Variants in GATD1 observed in about 807,000 individuals in gnomAD.
GATD1 encodes glutamine amidotransferase class 1 domain containing 1.
In GATD1, 23 loss-of-function variants were observed where a neutral mutation model predicts 25.9. That is an observed-to-expected ratio of 0.89 (90% CI 0.64 to 1.26). GATD1 has a LOEUF of 1.26. Ranked by LOEUF, GATD1 falls within the 50% of genes most tolerant of loss-of-function variation. The probability of loss-of-function intolerance (pLI) is 0.00; values close to 1 mark genes in which losing one functional copy is unlikely to be tolerated. For synonymous variants in GATD1, 177 were observed against 134.6 expected (o/e 1.31, Z -2.18); for missense variants, 347 against 312.5 (o/e 1.11, Z -0.83).
chr11:774,766 G>A (rs1183918633), intron 2 of GATD1, among the ~76,000 whole-genome samples: 1 of 152,162 alleles, frequency 6.6e-6, no homozygotes, highest in African/African-American at 2.4e-5. Flanking sequence ...GGAGGCGGAG[G>A]TTGTGGTGAG....
Position 772,440 on chromosome 11 carries a change from T to C in GATD1, c.437A>G (p.Tyr146Cys), listed in dbSNP as rs756302659. 28 of 1,613,268 alleles carry C rather than the reference T, an allele frequency of 1.7e-5. No individual in the cohort carries two copies. Among genetic ancestry groups the C allele is most frequent in the Admixed American group, 3.3e-5 (2 of 60,006 alleles). ...CCAGACACTCACCCCTGTCAGGCTG[T>C]AGCTGTCGAACACCCAGGATCTGTC... is the stretch of plus-strand genomic sequence containing the variant. ...NEDRSWVFDS[Y>C]SLTGPSVCEL... The change falls in exon 5 of 8, where the codon TAC becomes TGC. Residue 146 changes from tyrosine to cysteine, a missense_variant. Physicochemically the swap from Tyr to Cys is radical, Grantham distance 194. Coordinates refer to ENST00000319863, the MANE Select transcript of GATD1 (RefSeq NM_182612.4).
intron 4 of GATD1, 62 bp from the exon 5 acceptor site, chr11:772,583 C>T: frequency 6.8e-7 from 1 of 1,471,748 alleles, no homozygotes; most frequent in Non-Finnish European, 9.4e-7. Context: ...AAGCCCCTCC[C>T]AGATGCCCCT....
At position 771,907 on chromosome 11, in the gene GATD1, G is replaced by GT. The variant is rs1390866657; in HGVS notation, c.451-482dup. On this transcript the variant is annotated intron_variant, in intron 5 of 7. Coordinates refer to ENST00000319863, the MANE Select transcript of GATD1 (RefSeq NM_182612.4). ...GACATCTGAGCTGGGGGCCAGGCCT[G>GT]TTTAACTTCCAGTGAAACCAGCCTC... is the stretch of plus-strand genomic sequence containing the variant. 2.0e-5 allele frequency among the ~76,000 whole-genome samples: 3 copies of GT among 152,238 alleles called. No homozygotes were observed. The East Asian group carries it at 5.8e-4, about 29-fold the overall frequency.
At chr11:775,778 T>TA (rs1565018847) in intron 1 of GATD1, among the ~76,000 whole-genome samples, 1 of 152,024 alleles carries the variant, frequency 6.6e-6, no homozygotes, top group Non-Finnish European at 1.5e-5. Context: ...AAAAAACTTT[T>TA]AAAAAAGAAA....
At chr11:773,928 A>G in intron 3 of GATD1, 80 bp downstream of exon 3, 1 of 1,315,640 alleles carries the variant, frequency 7.6e-7, no homozygotes, top group Admixed American at 1.8e-5. Flanking sequence ...GGAGCTCACT[A>G]AGACCCCAAA....
In GATD1 at chr11:771,115, C is replaced by G; in HGVS notation, c.545-11G>C. ...CGTCAGGCTCGCTTGCTGGGGAGGA[C>G]CGAGGGCACCAACCTCAGGCAATGT... On this transcript the variant is annotated splice_polypyrimidine_tract_variant and intron_variant, in intron 6 of 7. Transcript: ENST00000319863. 6.3e-7 allele frequency: 1 copy of G among 1,578,878 alleles called. No individual in the cohort carries two copies. The highest frequency in any genetic ancestry group is 8.6e-7 in the Non-Finnish European group (1 of 1,165,496).
rs563038532 is a variant in GATD1 at position 776,131 on chromosome 11, T to C, written c.65-989A>G. On this transcript the variant is annotated intron_variant, in intron 1 of 7. Coordinates refer to ENST00000319863, the MANE Select transcript of GATD1 (RefSeq NM_182612.4). ...CCGAGTAGCTGGGACTACAGGAGGG[T>C]GCCACCACGCCCAGCTAATTTTTGT... 2.6e-5 allele frequency among the ~76,000 whole-genome samples: 4 copies of C among 151,610 alleles called. No individual in the cohort carries two copies. The South Asian group carries it at 8.3e-4, about 32-fold the overall frequency.
chr11:776,802 A>T (rs1389546379), intron 1 of GATD1: 2 of 152,408 alleles, frequency 1.3e-5, no homozygotes, highest in African/African-American at 4.8e-5. Context: ...CTGCAGGCTC[A>T]GCGCCAGGGG....
intron 1 of GATD1, 79 bp downstream of exon 1, chr11:777,320 A>G (rs902163224): frequency 5.9e-5 from 64 of 1,086,290 alleles, no homozygotes; most frequent in Admixed American, 5.3e-4. Context: ...ACGCGCGCCC[A>G]CCGTGTCCCG....
chr11:771,227 T>TG, intron 6 of GATD1, 106 bp downstream of exon 6: 2 of 1,547,904 alleles, frequency 1.3e-6, no homozygotes, highest in Non-Finnish European at 1.7e-6. Flanking sequence ...GTCAGTGCCA[T>TG]GGGGGTCTAT....
chr11:768,041 G>A lies in GATD1; in HGVS notation c.*2856C>T, dbSNP rs1863154904. On this transcript the variant is annotated 3_prime_UTR_variant, in exon 8 of 8. Coordinates refer to ENST00000319863, the MANE Select transcript of GATD1 (RefSeq NM_182612.4). ...AATTTCTGTATTTTTAGTAGAGACG[G>A]GGTTTCACCATCTTGGCCAGGCTGG... 1 of 151,296 alleles carries A rather than the reference G, an allele frequency of 6.6e-6. No individual in the cohort carries two copies. Among genetic ancestry groups the A allele is most frequent in the African/African-American group, 2.4e-5 (1 of 41,208 alleles). The allele number at this position is 151,296 out of a possible 1,614,324, so 9.4% of individuals were successfully genotyped here.
intron 4 of GATD1, among the ~76,000 whole-genome samples, chr11:773,128 C>A (rs187816731): frequency 4.6e-5 from 7 of 152,216 alleles, no homozygotes; most frequent in African/African-American, 1.7e-4. Flanking sequence ...ACACTCATCA[C>A]AGCCCAACCC....
chr11:773,524 C>T lies in GATD1; in HGVS notation c.353G>A (p.Ser118Asn). ...ARILQHFHSESKPICAVGHGV... is the reference protein window; with the variant it reads ...ARILQHFHSENKPICAVGHGV... Reference sequence around the variant, plus strand: ...CCTGGGTCCCAGGGGTCACCTACTGCTCTCAGAGTGGAAGTGCTGCAGGAT... The same window carrying T: ...CCTGGGTCCCAGGGGTCACCTACTGTTCTCAGAGTGGAAGTGCTGCAGGAT... The change falls in exon 4 of 8, where the codon AGC becomes AAC. Residue 118 changes from serine to asparagine, a missense_variant and splice_region_variant. Physicochemically the swap from Ser to Asn is conservative, Grantham distance 46 (BLOSUM62 1). Transcript: ENST00000319863. The T allele has an allele frequency of 1.2e-6, 2 of 1,610,288 alleles. No individual in the cohort carries two copies. Among genetic ancestry groups the T allele is most frequent in the Non-Finnish European group, 1.7e-6 (2 of 1,178,836 alleles).
chr11:774,923 T>G, intron 2 of GATD1, 143 bp downstream of exon 2: 1 of 662,138 alleles, frequency 1.5e-6, no homozygotes, highest in Non-Finnish European at 2.6e-6. Flanking sequence ...GCCACCAGGG[T>G]TTGGTTACAG....
In GATD1 at chr11:770,451, T is replaced by G. The variant is rs909310463; in HGVS notation, c.*446A>C. On this transcript the variant is annotated 3_prime_UTR_variant, in exon 8 of 8. Transcript: ENST00000319863. ...AAGTTCTGAGCCAGCTCCCGCCGGC[T>G]GGGCCCTCCCCTCAAGGCCCCCACC... 4.7e-6 allele frequency: 7 copies of G among 1,477,728 alleles called. No homozygotes were observed. The African/African-American group carries it at 8.4e-5, about 18-fold the overall frequency. 91.5% of individuals were successfully genotyped at this position (1,477,728 alleles called of 1,614,324 possible). A position where few individuals can be genotyped will look rare whatever the true frequency, so the allele number is the denominator to read the frequency against.
chr11:767,720 G>T lies in GATD1; in HGVS notation c.*3177C>A. The T allele has an allele frequency of 2.6e-6, 2 of 761,596 alleles. No homozygotes were observed. Among genetic ancestry groups the T allele is most frequent in the South Asian group, 4.6e-5 (1 of 21,970 alleles). The allele number at this position is 761,596 out of a possible 1,614,324, so 47.2% of individuals were successfully genotyped here. Reference sequence around the variant, plus strand: ...GGAGGTCATCCGGTCACAGGGCAGGGGCACAGCCTCATCATGGGACCATCA... The same window carrying T: ...GGAGGTCATCCGGTCACAGGGCAGGTGCACAGCCTCATCATGGGACCATCA... On this transcript the variant is annotated 3_prime_UTR_variant, in exon 8 of 8. Coordinates refer to ENST00000319863, the MANE Select transcript of GATD1 (RefSeq NM_182612.4).
Position 767,634 on chromosome 11 carries a change from C to A in GATD1, c.*3263G>T. 1 of 1,319,038 alleles carries A rather than the reference C, an allele frequency of 7.6e-7. No individual in the cohort carries two copies. The highest frequency in any genetic ancestry group is 9.7e-7 in the Non-Finnish European group (1 of 1,034,314). 81.7% of individuals were successfully genotyped at this position (1,319,038 alleles called of 1,614,324 possible). On this transcript the variant is annotated 3_prime_UTR_variant, in exon 8 of 8. Transcript: ENST00000319863. ...ACCCTGCTGTGGCCTGAGCACGTCC[C>A]CCCAAAACCCACCTGCTTAAGTCCT...
Position 770,081 on chromosome 11 carries a change from C to T in GATD1, c.*816G>A. Reference sequence around the variant, plus strand: ...GTGAGGAAGTAGAGGGCCTAAGCCTCTCCTGGACGCCCTAACCTGGGGCCA... The same window carrying T: ...GTGAGGAAGTAGAGGGCCTAAGCCTTTCCTGGACGCCCTAACCTGGGGCCA... On this transcript the variant is annotated 3_prime_UTR_variant, in exon 8 of 8. Coordinates refer to ENST00000319863, the MANE Select transcript of GATD1 (RefSeq NM_182612.4). 8.3e-7 allele frequency: 1 copy of T among 1,201,064 alleles called. No individual in the cohort carries two copies. Among genetic ancestry groups the T allele is most frequent in the Non-Finnish European group, 1.0e-6 (1 of 968,474 alleles). 74.4% of individuals were successfully genotyped at this position (1,201,064 alleles called of 1,614,324 possible).
At chr11:772,598 G>A in intron 4 of GATD1, 77 bp from the exon 5 acceptor site, 1 of 1,375,830 alleles carries the variant, frequency 7.3e-7, no homozygotes. Context: ...GCCCCTGCTT[G>A]TGGCTCCCCC....
Sources: gnomAD v4.1 joint callset for allele counts (sites outside exome capture counted in the v4.1 genomes callset) on GRCh38, gnomAD v4.1.1 for gene constraint, MANE v1.5 for transcripts, NCBI Gene and HGNC (gene_info 2026-07-23, HGNC 2026-07-21) for gene names.